FAM20C: variants seen among roughly 807,000 people sequenced by gnomAD.
FAM20C encodes extracellular serine/threonine protein kinase FAM20C.
FAM20C carries 40 observed loss-of-function variants against 51.5 expected under a neutral mutation model. That is an observed-to-expected ratio of 0.78 (90% CI 0.60 to 1.01). The LOEUF is 1.01. Among genes scored for constraint, FAM20C ranks in the 50% least tolerant of loss-of-function variants. The pLI, the probability that FAM20C is intolerant of heterozygous loss-of-function variation, is 0.00. For synonymous variants in FAM20C, 406 were observed against 380.6 expected, an observed-to-expected ratio of 1.07 and a Z score of -0.78; for missense variants, 861 against 844.7, an observed-to-expected ratio of 1.02 and a Z score of -0.24.
Position 195,557 on chromosome 7 carries a change from G to A in FAM20C, c.609G>A (p.Pro203=), listed in dbSNP as rs752027836. 1.3e-5 allele frequency: 20 copies of A among 1,572,866 alleles called. No homozygotes were observed. The East Asian group carries it at 1.4e-4, about 11-fold the overall frequency. Reference sequence around the variant, plus strand: ...TCGTCCTCGCTGCTCCCTGCAGGCCGCATGCGGGTGCTGAAGGTGCAGAAT... The same window carrying A: ...TCGTCCTCGCTGCTCCCTGCAGGCCACATGCGGGTGCTGAAGGTGCAGAAT... ...SPKAAENPDW[P]HAGAEGAEFL... Residue 203 remains proline, a synonymous_variant, in exon 2 of 10, where the codon CCG becomes CCA. Transcript: ENST00000313766.
chr7:195,924 G>A (rs1399645111), intron 2 of FAM20C, among the ~76,000 whole-genome samples, 192 bp downstream of exon 2: 1 of 152,230 alleles, frequency 6.6e-6, no homozygotes, highest in Non-Finnish European at 1.5e-5. Context: ...CACACTGGAT[G>A]TGCTCCTGAT....
In FAM20C at chr7:193,511, C is replaced by T; in HGVS notation, c.312C>T (p.Ser104=). 1 of 1,503,398 alleles carries T rather than the reference C, an allele frequency of 6.7e-7. No individual in the cohort carries two copies. Among genetic ancestry groups the T allele is most frequent in the Non-Finnish European group, 8.9e-7 (1 of 1,123,150 alleles). The allele number at this position is 1,503,398 out of a possible 1,614,324, so 93.1% of individuals were successfully genotyped here. A position where few individuals can be genotyped will look rare whatever the true frequency, so the allele number is the denominator to read the frequency against. The change falls in exon 1 of 10, where the codon TCC becomes TCT. Residue 104 remains serine, a synonymous_variant. Transcript: ENST00000313766. ...CCGACCCCTCCTCCAACCTCTCGTC[C>T]CACTCGCTGGAGAAACTGCCGCCCG... ...FSSDPSSNLS[S]HSLEKLPPAA...
chr7:217,096 G>T (rs1787018886), intron 3 of FAM20C, among the ~76,000 whole-genome samples: 1 of 152,176 alleles, frequency 6.6e-6, no homozygotes, highest in African/African-American at 2.4e-5. Context: ...ACCGAGCGAA[G>T]GGGCCCAAGA....
At chr7:228,876 C>G (rs1329811526) in intron 3 of FAM20C, 1 of 448,538 alleles carries the variant, frequency 2.2e-6, no homozygotes, top group Non-Finnish European at 4.5e-6. Flanking sequence ...CTGGAGGGTC[C>G]CACGCTGGGG....
intron 2 of FAM20C, among the ~76,000 whole-genome samples, chr7:207,652 G>A (rs1176727516): frequency 6.6e-6 from 1 of 152,238 alleles, no homozygotes; most frequent in Non-Finnish European, 1.5e-5. Flanking sequence ...TCTTGTTCGG[G>A]CCCGTGATGT....
intron 4 of FAM20C, among the ~76,000 whole-genome samples, chr7:246,824 A>G (rs1481725932): frequency 6.6e-6 from 1 of 152,028 alleles, no homozygotes; most frequent in Non-Finnish European, 1.5e-5. Flanking sequence ...CCCTTTACAG[A>G]TGAGAAACTG....
At chr7:205,871 C>G (rs535570402) in intron 2 of FAM20C, among the ~76,000 whole-genome samples, 47 of 152,160 alleles carry the variant, frequency 3.1e-4, no homozygotes, top group Non-Finnish European at 3.2e-4. Context: ...CGCTGACCCT[C>G]CCTCCCAGCC....
chr7:223,128 G>T (rs1787314988), intron 3 of FAM20C, among the ~76,000 whole-genome samples: 1 of 152,150 alleles, frequency 6.6e-6, no homozygotes, highest in Admixed American at 6.5e-5. Flanking sequence ...GAACCCGTGT[G>T]TGTTCCTATG....
intron 3 of FAM20C, among the ~76,000 whole-genome samples, chr7:242,473 G>A (rs1787973567): frequency 1.4e-5 from 2 of 144,918 alleles, no homozygotes; most frequent in Non-Finnish European, 3.1e-5. Context: ...GGAAGGGAGG[G>A]CAGGCTGGGC....
chr7:241,243 C>A (rs1217840253), intron 3 of FAM20C, among the ~76,000 whole-genome samples: 2 of 152,130 alleles, frequency 1.3e-5, no homozygotes, highest in East Asian at 3.9e-4. Context: ...GCCTCGGGAG[C>A]GGAGCCCAGA....
intron 3 of FAM20C, among the ~76,000 whole-genome samples, chr7:226,563 C>T (rs767566702): frequency 3.9e-5 from 6 of 152,206 alleles, no homozygotes; most frequent in Middle Eastern, 3.4e-3. Context: ...GTCGTGGCCC[C>T]GATACCAGGT....
Position 258,661 on chromosome 7 carries a change from G to T in FAM20C, c.1461G>T (p.Ser487=), listed in dbSNP as rs373079378. The change falls in exon 9 of 10, where the codon TCG becomes TCT. Residue 487 remains serine (S), a synonymous_variant. Coordinates refer to ENST00000313766, the MANE Select transcript of FAM20C (RefSeq NM_020223.4). The stretch of plus-strand genomic sequence containing the variant: ...CTTCTGGAAGGTTTGGGAAGTATTC[G>T]CACGACGAGCTCTCCATCCTGGTGC... ...LDNGRGFGKY[S]HDELSILVPL... 4 of 1,536,592 alleles carry T rather than the reference G, an allele frequency of 2.6e-6. No individual in the cohort carries two copies. The highest frequency in any genetic ancestry group is 3.5e-6 in the Non-Finnish European group (4 of 1,146,564).
At chr7:245,174 T>C (rs2115142264) in intron 3 of FAM20C, among the ~76,000 whole-genome samples, 1 of 152,304 alleles carries the variant, frequency 6.6e-6, no homozygotes, top group East Asian at 1.9e-4. Context: ...AGCCGAGGGC[T>C]GGGAAAGTGA....
chr7:249,393 G>T (rs1474207055), intron 5 of FAM20C, among the ~76,000 whole-genome samples: 1 of 152,250 alleles, frequency 6.6e-6, no homozygotes, highest in Non-Finnish European at 1.5e-5. Flanking sequence ...GATAAGTACA[G>T]CGCACACATA....
At chr7:249,739 C>CA (rs1475845846) in intron 5 of FAM20C, among the ~76,000 whole-genome samples, 41 of 150,592 alleles carry the variant, frequency 2.7e-4, no homozygotes, top group East Asian at 5.8e-4. Context: ...GACCCTGTCT[C>CA]AAAAAAAAAG....
intron 5 of FAM20C, among the ~76,000 whole-genome samples, chr7:251,892 A>G (rs1015388055): frequency 6.6e-6 from 1 of 152,136 alleles, no homozygotes; most frequent in South Asian, 2.1e-4. Flanking sequence ...CGAGTCCTTG[A>G]ATCTCCCAGA....
intron 2 of FAM20C, among the ~76,000 whole-genome samples, chr7:201,964 C>T (rs139328813): frequency 1.3e-5 from 2 of 152,298 alleles, no homozygotes; most frequent in Non-Finnish European, 2.9e-5. Flanking sequence ...TAACTAGTGA[C>T]GTAGATTAAT....
chr7:214,445 T>C (rs1786869311), intron 3 of FAM20C, among the ~76,000 whole-genome samples: 1 of 152,258 alleles, frequency 6.6e-6, no homozygotes, highest in East Asian at 1.9e-4. Context: ...ATTCTCGTGC[T>C]TTTGGTGTAA....
rs1045042668 is a variant in FAM20C, at chr7:236,777, C to T, written c.864-9638C>T. Reference sequence around the variant, plus strand: ...GTCGGGGTTTCATGCGGAGGTGAGGCGGGTGCCCTGGAATCTGGGGTCCCG... The same window carrying T: ...GTCGGGGTTTCATGCGGAGGTGAGGTGGGTGCCCTGGAATCTGGGGTCCCG... On this transcript the variant is annotated intron_variant, in intron 3 of 9. Coordinates refer to ENST00000313766, the MANE Select transcript of FAM20C (RefSeq NM_020223.4). Among the ~76,000 whole-genome samples the T allele has an allele frequency of 7.3e-5, 10 of 137,552 alleles. 2 individuals are homozygous for T. The highest frequency in any genetic ancestry group is 2.5e-4 in the African/African-American group (9 of 35,430). 90.2% of individuals were successfully genotyped at this position (137,552 alleles called of 152,430 possible).
Sources: gnomAD v4.1 joint callset for allele counts (sites outside exome capture counted in the v4.1 genomes callset) on GRCh38, gnomAD v4.1.1 for gene constraint, MANE v1.5 for transcripts, NCBI Gene and HGNC (gene_info 2026-07-23, HGNC 2026-07-21) for gene names.